The following SUSD5 variants were observed in gnomAD, a reference collection of about 807,000 sequenced individuals.
SUSD5 encodes the protein sushi domain containing 5, also known as sushi domain-containing protein 5.
SUSD5 carries 33 observed loss-of-function variants against 29.5 expected under a neutral mutation model. The ratio of observed to expected loss-of-function variants is 1.12; its 90% CI spans 0.85 to 1.49. The LOEUF (loss-of-function observed/expected upper bound fraction) is 1.49, where lower values mean the gene tolerates loss of function less well. SUSD5 is among the 40% of genes most tolerant of loss of function. The pLI, the probability that SUSD5 is intolerant of heterozygous loss-of-function variation, is 0.00. For missense variants in SUSD5, 776 were observed against 800.6 expected, an observed-to-expected ratio of 0.97 and a Z score of 0.37; for synonymous variants, 308 against 325.3, an observed-to-expected ratio of 0.95 and a Z score of 0.57.
At chr3:33,190,856 T>C (rs1013734818) in intron 3 of SUSD5, among the ~76,000 whole-genome samples, 4 of 152,136 alleles carry the variant, frequency 2.6e-5, no homozygotes, top group Admixed American at 6.6e-5. Flanking sequence ...AGACAGACTT[T>C]GTTACACCCA....
At chr3:33,213,576 T>C (rs1328669152) in intron 2 of SUSD5, among the ~76,000 whole-genome samples, 1 of 151,756 alleles carries the variant, frequency 6.6e-6, no homozygotes, top group Non-Finnish European at 1.5e-5. Flanking sequence ...GAGTTCGAGA[T>C]CAGCCTGGCC....
chr3:33,172,323 C>T (rs1318005150), intron 4 of SUSD5, among the ~76,000 whole-genome samples: 1 of 152,196 alleles, frequency 6.6e-6, no homozygotes, highest in Non-Finnish European at 1.5e-5. Flanking sequence ...TCCTGCCCAG[C>T]AGCTTAAAGC....
intron 3 of SUSD5, among the ~76,000 whole-genome samples, chr3:33,189,478 CAAAA>C (rs71630568): frequency 2.2e-5 from 2 of 91,618 alleles, no homozygotes; most frequent in South Asian, 4.1e-4. Flanking sequence ...CTCTCCTTCT[CAAAA>C]AAAAAAAAAA....
At chr3:33,157,091 T>TCAGGC (rs1333050492) in intron 4 of SUSD5, among the ~76,000 whole-genome samples, 3 of 152,226 alleles carry the variant, frequency 2.0e-5, no homozygotes, top group African/African-American at 7.2e-5. Flanking sequence ...CAGGGCTCAG[T>TCAGGC]CAGGCCCTTC....
intron 3 of SUSD5, among the ~76,000 whole-genome samples, chr3:33,198,397 T>TTG (rs1160309649): frequency 6.6e-6 from 1 of 152,220 alleles, no homozygotes; most frequent in Non-Finnish European, 1.5e-5. Context: ...GTTCCAGGTG[T>TTG]TGTTTCCTTT....
rs577602294 is a variant in SUSD5, at chr3:33,192,077, A to G, written c.409+15731T>C. 2.3e-5 allele frequency among the ~76,000 whole-genome samples: 3 copies of G among 133,014 alleles called. No individual in the cohort carries two copies. In the South Asian group the frequency reaches 7.4e-4, roughly 33 times the overall value. The allele number at this position is 133,014 out of a possible 152,430, so 87.3% of individuals were successfully genotyped here. A position where few individuals can be genotyped will look rare whatever the true frequency, so the allele number is the denominator to read the frequency against. ...AAAGTGATTTCTTATATTAATGCGC[A>G]TATTTTTTTTTTTTGAGACAGAGCC... On this transcript the variant is annotated intron_variant, in intron 3 of 4. Coordinates refer to ENST00000309558, the MANE Select transcript of SUSD5 (RefSeq NM_015551.2).
At chr3:33,216,387 AAAAC>A (rs1311924247) in intron 1 of SUSD5, among the ~76,000 whole-genome samples, 1 of 152,184 alleles carries the variant, frequency 6.6e-6, no homozygotes, top group Admixed American at 6.5e-5. Flanking sequence ...ATCTCACACC[AAAAC>A]AAACAAACAA....
In SUSD5 at chr3:33,207,924, G is replaced by C. The variant is rs750582909; in HGVS notation, c.293C>G (p.Thr98Arg). 1.4e-5 allele frequency: 22 copies of C among 1,611,466 alleles called. No individual in the cohort carries two copies. Among genetic ancestry groups the C allele is most frequent in the Non-Finnish European group, 1.9e-5 (22 of 1,178,834 alleles). Residue 98 changes from threonine (T) to arginine (R), a missense_variant and splice_region_variant, in exon 3 of 5, where the codon ACA (threonine) becomes AGA (arginine). Coordinates refer to ENST00000309558, the MANE Select transcript of SUSD5 (RefSeq NM_015551.2). ...TCCACTTCCTTTGCTACACACAGTT[G>C]TTCTGAAATAGACAAAAAAGGCACT... ...TGWLADGTLGTTVCSKGSGEQ... is the reference protein window; with the variant it reads ...TGWLADGTLGRTVCSKGSGEQ...
chr3:33,173,946 T>G (rs906012747), intron 4 of SUSD5, among the ~76,000 whole-genome samples: 7 of 152,172 alleles, frequency 4.6e-5, no homozygotes, highest in Non-Finnish European at 7.4e-5. Context: ...CACAGCGATT[T>G]CTGCTGCTGG....
Position 33,214,068 on chromosome 3 carries a change from C to T in SUSD5, c.150G>A (p.Gln50=). 6.2e-7 allele frequency: 1 copy of T among 1,612,672 alleles called. No individual in the cohort carries two copies. The highest frequency in any genetic ancestry group is 8.5e-7 in the Non-Finnish European group (1 of 1,179,410). The change falls in exon 2 of 5, where the codon CAG becomes CAA. Residue 50 remains glutamine, a synonymous_variant. Transcript: ENST00000309558. ...FFVLESQNGS[Q]GLQLEAARLS... Reference sequence around the variant, plus strand: ...GCCGAGCAGCCTCCAGTTGTAGGCCCTGAGAGCCATTCTGAGACTCCAGCA... The same window carrying T: ...GCCGAGCAGCCTCCAGTTGTAGGCCTTGAGAGCCATTCTGAGACTCCAGCA...
At chr3:33,217,389 T>C (rs1385391454) in intron 1 of SUSD5, among the ~76,000 whole-genome samples, 1 of 152,214 alleles carries the variant, frequency 6.6e-6, no homozygotes, top group Non-Finnish European at 1.5e-5. Flanking sequence ...ATTAGATGCA[T>C]GCAAACCATG....
chr3:33,177,932 G>A (rs2031585811), intron 3 of SUSD5, among the ~76,000 whole-genome samples: 1 of 152,194 alleles, frequency 6.6e-6, no homozygotes, highest in Non-Finnish European at 1.5e-5. Flanking sequence ...GACAAAGACA[G>A]TTTCAGTTGT....
intron 4 of SUSD5, among the ~76,000 whole-genome samples, chr3:33,161,037 G>A (rs1012410234): frequency 6.6e-6 from 1 of 152,146 alleles, no homozygotes; most frequent in Non-Finnish European, 1.5e-5. Context: ...TATTCAAAAT[G>A]TTAGAAGAAA....
At chr3:33,207,093 CTTCT>C (rs1206794461) in intron 3 of SUSD5, among the ~76,000 whole-genome samples, 1 of 152,168 alleles carries the variant, frequency 6.6e-6, no homozygotes, top group East Asian at 1.9e-4. Flanking sequence ...GCCCTTGAGG[CTTCT>C]TTATGATTTT....
At chr3:33,162,933 A>G (rs1210779530) in intron 4 of SUSD5, among the ~76,000 whole-genome samples, 1 of 151,632 alleles carries the variant, frequency 6.6e-6, no homozygotes. Context: ...AAAAAAAAAA[A>G]TTATGTCCAG....
chr3:33,192,079 A>AT (rs200854031), intron 3 of SUSD5, among the ~76,000 whole-genome samples: 45,941 of 145,784 alleles, frequency 0.32, 7,689 homozygotes, highest in Middle Eastern at 0.39. Context: ...TAATGCGCAT[A>AT]TTTTTTTTTT....
At chr3:33,182,598 C>T (rs1272497608) in intron 3 of SUSD5, among the ~76,000 whole-genome samples, 1 of 152,144 alleles carries the variant, frequency 6.6e-6, no homozygotes, top group Non-Finnish European at 1.5e-5. Context: ...ATTTTGGCAT[C>T]CTGTTGTTAG....
At position 33,153,484 on chromosome 3, in the gene SUSD5, T is replaced by C; in HGVS notation, c.1148A>G (p.Lys383Arg). 1 of 1,614,024 alleles carries C rather than the reference T, an allele frequency of 6.2e-7. No individual in the cohort carries two copies. Among genetic ancestry groups the C allele is most frequent in the Non-Finnish European group, 8.5e-7 (1 of 1,179,970 alleles). ...GYPVTEGAWR[K>R]TEAEEEEDGD... Reference sequence around the variant, plus strand: ...ATCTTCTTCCTCTTCTGCCTCTGTCTTCCTCCAAGCCCCCTCTGTCACAGG... The same window carrying C: ...ATCTTCTTCCTCTTCTGCCTCTGTCCTCCTCCAAGCCCCCTCTGTCACAGG... The change falls in exon 5 of 5, where the codon AAG becomes AGG. Residue 383 changes from lysine (K) to arginine (R), a missense_variant. Lys to Arg is a conservative substitution (Grantham distance 26). Transcript: ENST00000309558.
intron 4 of SUSD5, among the ~76,000 whole-genome samples, chr3:33,160,578 T>TC (rs1192173133): frequency 6.6e-6 from 1 of 152,102 alleles, no homozygotes; most frequent in African/African-American, 2.4e-5. Context: ...CACCATTCCC[T>TC]CTTCTGGATT....
Sources: allele counts gnomAD v4.1 joint callset (sites outside exome capture counted in the v4.1 genomes callset), GRCh38; gene constraint gnomAD v4.1.1; transcripts MANE v1.5; gene names NCBI Gene and HGNC (gene_info 2026-07-23, HGNC 2026-07-21).